The following ATP7B variants were observed in gnomAD, a reference collection of about 807,000 sequenced individuals.
The protein encoded by ATP7B is copper-transporting ATPase 2.
A neutral mutation model predicts 118.9 loss-of-function variants in ATP7B; 113 were observed. The ratio of observed to expected loss-of-function variants is 0.95; its 90% confidence interval spans 0.82 to 1.11. The LOEUF (loss-of-function observed/expected upper bound fraction) is 1.11. ATP7B is among the 50% of genes most tolerant of loss of function. The probability of loss-of-function intolerance (pLI) is 0.00; values close to 1 mark genes in which losing one functional copy is unlikely to be tolerated. For synonymous variants in ATP7B, 777 were observed against 727.4 expected (o/e 1.07, Z -1.10); for missense variants, 1,867 against 1,871.4 (o/e 1.00, Z 0.04).
intron 1 of ATP7B, among the ~76,000 whole-genome samples, chr13:51,998,037 C>T (rs1953298209): frequency 6.6e-6 from 1 of 152,180 alleles, no homozygotes; most frequent in African/African-American, 2.4e-5. Flanking sequence ...CCCCTTTCCT[C>T]ACACCTGACC....
intron 7 of ATP7B, 131 bp from the exon 8 acceptor site, chr13:51,958,675 G>T: frequency 2.6e-6 from 2 of 767,968 alleles, no homozygotes; most frequent in Non-Finnish European, 2.3e-6. Flanking sequence ...TTCTTCCTCT[G>T]TGATGGGCGT....
intron 12 of ATP7B, chr13:51,947,734 A>G (rs1209286633): frequency 2.0e-5 from 3 of 152,230 alleles, no homozygotes; most frequent in Admixed American, 2.0e-4. Flanking sequence ...TCTTGTCAAA[A>G]TCACACCTGG....
chr13:51,966,280 G>C (rs756841778), intron 4 of ATP7B, among the ~76,000 whole-genome samples: 5 of 152,212 alleles, frequency 3.3e-5, no homozygotes, highest in Admixed American at 6.5e-5. Context: ...CGCAACTAGT[G>C]ACGGGTAGAG....
intron 2 of ATP7B, among the ~76,000 whole-genome samples, chr13:51,971,947 C>T (rs1416173109): frequency 5.9e-5 from 9 of 152,366 alleles, no homozygotes; most frequent in East Asian, 1.9e-4. Flanking sequence ...GTGTTGGGCC[C>T]GCTGCTCCCT....
intron 12 of ATP7B, chr13:51,946,688 T>C: frequency 1.6e-6 from 1 of 639,158 alleles, no homozygotes; most frequent in Non-Finnish European, 2.8e-6. Context: ...CCTACAGGTT[T>C]CCCTCAAAGA....
chr13:51,970,849 G>T, intron 2 of ATP7B, 100 bp from the exon 3 acceptor site: 1 of 1,218,206 alleles, frequency 8.2e-7, no homozygotes, highest in Non-Finnish European at 1.2e-6. Context: ...CATTGTCCCG[G>T]CTCCCACCGA....
In ATP7B at chr13:51,997,918, T is replaced by C. The variant is rs988512190; in HGVS notation, c.51+13369A>G. ...GAAGGCAAGTCTGGGGTAAACACAG[T>C]GGCTTCTCCTTTGCTCCCATAGAAT... On this transcript the variant is annotated intron_variant, in intron 1 of 20. Transcript: ENST00000242839. Among the ~76,000 whole-genome samples, 3 of 152,028 alleles carry C rather than the reference T, an allele frequency of 2.0e-5. No individual in the cohort carries two copies. In the East Asian group the frequency reaches 5.8e-4, roughly 29 times the overall value.
chr13:51,937,185 G>A (rs968215866), intron 19 of ATP7B, 91 bp downstream of exon 19: 2 of 1,282,758 alleles, frequency 1.6e-6, no homozygotes, highest in African/African-American at 1.5e-5. Context: ...TAGCCAGCCA[G>A]TGAGTGAGCC....
intron 1 of ATP7B, 120 bp from the exon 2 acceptor site, chr13:51,975,288 G>A (rs76572969): frequency 6.0e-6 from 8 of 1,327,576 alleles, no homozygotes; most frequent in Non-Finnish European, 8.6e-6. Context: ...TATCCCAAGG[G>A]TAGAAGAACA....
chr13:51,934,800 AC>A lies in ATP7B; in HGVS notation c.4353del (p.Lys1451AsnfsTer6), dbSNP rs1225844261. The A allele has an allele frequency of 1.2e-6, 2 of 1,614,028 alleles. No individual in the cohort carries two copies. Among genetic ancestry groups the A allele is most frequent in the Admixed American group, 1.7e-5 (1 of 60,010 alleles). On this transcript the variant is annotated frameshift_variant, in exon 21 of 21. Transcript: ENST00000242839. LOFTEE classifies it high-confidence loss of function. ...TCCCTGCCATTCAGGAGCAGAGACC[AC>A]TTGTCCCCATCATCGTCTGCTGCAG... The part of the protein sequence containing the change: ...HSAAADDDGD[K>X]WSLLLNGRDE...
chr13:51,942,986 C>A (rs1264381056), intron 14 of ATP7B, among the ~76,000 whole-genome samples: 1 of 152,166 alleles, frequency 6.6e-6, no homozygotes, highest in African/African-American at 2.4e-5. Context: ...GTAGTGTTAA[C>A]AAAGCTCTTT....
rs148081616 is a variant in ATP7B at position 51,934,848 on chromosome 13, C to T, written c.4306G>A (p.Asp1436Asn). The change falls in exon 21 of 21, where the codon GAC becomes AAC. Residue 1436 changes from aspartate to asparagine, a missense_variant. Coordinates refer to ENST00000242839, the MANE Select transcript of ATP7B (RefSeq NM_000053.4). ...GCAGCGCTGTGCCGAGATGGCTTGT[C>T]GGACGTCAGGGAGGACAGCGACACC... ...SQVSLSSLTS[D>N]KPSRHSAAAD... 3.0e-5 allele frequency: 49 copies of T among 1,614,226 alleles called. No homozygotes were observed. Among genetic ancestry groups the T allele is most frequent in the South Asian group, 2.7e-4 (25 of 91,088 alleles).
chr13:51,988,687 A>T (rs1952774140), intron 1 of ATP7B, among the ~76,000 whole-genome samples: 1 of 152,222 alleles, frequency 6.6e-6, no homozygotes, highest in Admixed American at 6.5e-5. Context: ...CTGGATAAAG[A>T]AAATGTGGCA....
At chr13:51,976,783 AGAAAAGG>A (rs1952138847) in intron 1 of ATP7B, among the ~76,000 whole-genome samples, 1 of 152,234 alleles carries the variant, frequency 6.6e-6, no homozygotes, top group Non-Finnish European at 1.5e-5. Context: ...ATCTGAACAT[AGAAAAGG>A]TACAGTAAAA....
chr13:51,946,279 C>A lies in ATP7B; in HGVS notation c.3060+5G>T, dbSNP rs1353373400. 4 of 1,575,280 alleles carry A rather than the reference C, an allele frequency of 2.5e-6. No homozygotes were observed. The highest frequency in any genetic ancestry group is 1.3e-5 in the African/African-American group (1 of 74,124). ...AGGATGGGGAAAGCCGTGCTACAGG[C>A]TGACCTTGTGCGCCATCTCCAGGGG... is the stretch of plus-strand genomic sequence containing the variant. On this transcript the variant is annotated splice_donor_5th_base_variant and intron_variant, in intron 13 of 20. Transcript: ENST00000242839.
chr13:51,964,794 T>TATTTTCTCAGCTAC, intron 5 of ATP7B, 78 bp downstream of exon 5: 1 of 1,519,982 alleles, frequency 6.6e-7, no homozygotes, highest in Non-Finnish European at 9.0e-7. Context: ...TTCTTAGCTA[T>TATTTTCTCAGCTAC]ATTTTCTCAT....
intron 1 of ATP7B, among the ~76,000 whole-genome samples, chr13:52,006,986 G>T (rs773405828): frequency 1.3e-5 from 2 of 152,082 alleles, no homozygotes; most frequent in Non-Finnish European, 2.9e-5. Context: ...GCATCCCCCT[G>T]CTTGGCCCAG....
intron 13 of ATP7B, among the ~76,000 whole-genome samples, chr13:51,944,826 A>G (rs1593674912): frequency 1.3e-5 from 2 of 152,202 alleles, no homozygotes; most frequent in African/African-American, 2.4e-5. Flanking sequence ...CACTTAGTCA[A>G]TGGCAGTCTG....
At chr13:51,980,044 C>T (rs1952337752) in intron 1 of ATP7B, among the ~76,000 whole-genome samples, 1 of 152,176 alleles carries the variant, frequency 6.6e-6, no homozygotes, top group Non-Finnish European at 1.5e-5. Context: ...AGACACAGGG[C>T]ATATGCATGC....
Sources: allele counts gnomAD v4.1 joint callset (sites outside exome capture counted in the v4.1 genomes callset), GRCh38; gene constraint gnomAD v4.1.1; transcripts MANE v1.5; gene names NCBI Gene and HGNC (gene_info 2026-07-23, HGNC 2026-07-21).